The following OPN4 variants were observed in gnomAD, a reference collection of about 807,000 sequenced individuals.
The protein encoded by OPN4 is melanopsin.
In OPN4, 43 loss-of-function variants were observed where a neutral mutation model predicts 49.5. The observed-to-expected ratio is 0.87, with a 90% CI of 0.68 to 1.12. The LOEUF (loss-of-function observed/expected upper bound fraction) is 1.12, where lower values mean the gene tolerates loss of function less well. OPN4 is among the 50% of genes most tolerant of loss of function. OPN4 has a pLI of 0.00. For synonymous variants in OPN4, 263 were observed against 258.0 expected, an observed-to-expected ratio of 1.02 and a Z score of -0.19; for missense variants, 657 against 643.9, an observed-to-expected ratio of 1.02 and a Z score of -0.22.
chr10:86,662,985 A>AG (rs1844051020), intron 8 of OPN4, among the ~76,000 whole-genome samples: 2 of 152,216 alleles, frequency 1.3e-5, no homozygotes, highest in Admixed American at 1.3e-4. Context: ...CTCCTCTGAA[A>AG]GGGAAAAGAG....
chr10:86,665,201 TAGG>T (rs1378542098), intron 9 of OPN4, among the ~76,000 whole-genome samples: 1 of 151,246 alleles, frequency 6.6e-6, no homozygotes, highest in Admixed American at 6.6e-5. Context: ...GTGGGGGACA[TAGG>T]AGAAGGGAAG....
At chr10:86,665,289 G>A (rs1309187462) in intron 9 of OPN4, among the ~76,000 whole-genome samples, 1 of 152,074 alleles carries the variant, frequency 6.6e-6, no homozygotes, top group Non-Finnish European at 1.5e-5. Context: ...CCTGACCTGG[G>A]GACAGGAAGC....
At chr10:86,665,640 G>A (rs528044634) in intron 9 of OPN4, 73 bp from the exon 10 acceptor site, 17 of 1,284,812 alleles carry the variant, frequency 1.3e-5, no homozygotes, top group Non-Finnish European at 1.8e-5. Flanking sequence ...GACCCAGTGT[G>A]TGGAGGGTCA....
Position 86,665,992 on chromosome 10 carries a change from G to A in OPN4, c.*241G>A, listed in dbSNP as rs890510494. ...CAGCCGCACCCGAGGCTCAGCCTGA[G>A]GGGTATGTGCCCAGGCCCTCCCACT... is the stretch of plus-strand genomic sequence containing the variant. On this transcript the variant is annotated 3_prime_UTR_variant, in exon 10 of 10. Coordinates refer to ENST00000241891, the MANE Select transcript of OPN4 (RefSeq NM_033282.4). The A allele has an allele frequency of 8.9e-6, 5 of 564,926 alleles. No homozygotes were observed. Among genetic ancestry groups the A allele is most frequent in the African/African-American group, 1.9e-5 (1 of 52,960 alleles). 35.0% of individuals were successfully genotyped at this position (564,926 alleles called of 1,614,324 possible).
intron 8 of OPN4, among the ~76,000 whole-genome samples, chr10:86,663,347 C>A (rs140882267): frequency 3.9e-5 from 6 of 152,300 alleles, no homozygotes; most frequent in African/African-American, 7.2e-5. Flanking sequence ...AAGGAGAAAT[C>A]TAATCTGTTA....
Position 86,654,943 on chromosome 10 carries a change from C to A in OPN4, c.144+16C>A, listed in dbSNP as rs374807121. Reference sequence around the variant, plus strand: ...CAGTCCCACAGTAAGCCTGGGCGAGCATGTGCATGCACAGAGCCTTCCCTG... The same window carrying A: ...CAGTCCCACAGTAAGCCTGGGCGAGAATGTGCATGCACAGAGCCTTCCCTG... On this transcript the variant is annotated intron_variant, in intron 1 of 9. Transcript: ENST00000241891. The A allele has an allele frequency of 1.1e-5, 17 of 1,612,228 alleles. No individual in the cohort carries two copies. In the African/African-American group the frequency reaches 1.7e-4, roughly 16 times the overall value.
At chr10:86,660,184 A>G (rs1843970931) in intron 6 of OPN4, 125 bp downstream of exon 6, 3 of 1,076,094 alleles carry the variant, frequency 2.8e-6, no homozygotes. Flanking sequence ...GACCAGCTTC[A>G]CAGCTTATTC....
At position 86,658,824 on chromosome 10, in the gene OPN4, C is replaced by T. The variant is rs917325002; in HGVS notation, c.628+137C>T. 3.7e-6 allele frequency: 3 copies of T among 800,418 alleles called. No individual in the cohort carries two copies. In the African/African-American group the frequency reaches 5.1e-5, roughly 14 times the overall value. The allele number at this position is 800,418 out of a possible 1,614,324, so 49.6% of individuals were successfully genotyped here. On this transcript the variant is annotated intron_variant, in intron 4 of 9. Transcript: ENST00000241891. ...CTACCTGAGCCTCAGGTGAGATGGA[C>T]ATTCAGGGGACATGACTGGCAGCAA...
At chr10:86,664,091 T>C in intron 9 of OPN4, 1 of 352,998 alleles carries the variant, frequency 2.8e-6, no homozygotes, top group Non-Finnish European at 5.2e-6. Context: ...ATGATAAGAG[T>C]ACATGTGTGT....
At chr10:86,657,116 C>G in intron 2 of OPN4, 1 of 767,180 alleles carries the variant, frequency 1.3e-6, no homozygotes, top group Non-Finnish European at 2.4e-6. Flanking sequence ...ACACAGCCCC[C>G]TGGCTCTCCC....
intron 2 of OPN4, among the ~76,000 whole-genome samples, chr10:86,656,944 CAAAA>C (rs10718951): frequency 1.4e-5 from 1 of 73,420 alleles, no homozygotes; most frequent in African/African-American, 5.9e-5. Flanking sequence ...GACTCCATCT[CAAAA>C]AAAAAAAAAA....
intron 2 of OPN4, 119 bp from the exon 3 acceptor site, chr10:86,657,913 T>A: frequency 9.4e-7 from 1 of 1,067,570 alleles, no homozygotes; most frequent in East Asian, 2.4e-5. Flanking sequence ...TGCCCATGTG[T>A]GTGTGCATGT....
rs3740332 is a variant in OPN4 at position 86,658,778 on chromosome 10, C to G, written c.628+91C>G. 25 of 1,411,000 alleles carry G rather than the reference C, an allele frequency of 1.8e-5. 1 individual carries two copies. Among genetic ancestry groups the G allele is most frequent in the Middle Eastern group, 2.4e-4 (1 of 4,228 alleles). 87.4% of individuals were successfully genotyped at this position (1,411,000 alleles called of 1,614,324 possible). A position where few individuals can be genotyped will look rare whatever the true frequency, so the allele number is the denominator to read the frequency against. On this transcript the variant is annotated intron_variant, in intron 4 of 9. Coordinates refer to ENST00000241891, the MANE Select transcript of OPN4 (RefSeq NM_033282.4). ...AGGTGGACTTGGGTCAGCCAGCTGGCGGGAGCAGGGTGCCCAGGAGCTACC... is the reference window on the plus strand; with the variant it reads ...AGGTGGACTTGGGTCAGCCAGCTGGGGGGAGCAGGGTGCCCAGGAGCTACC...
Position 86,658,484 on chromosome 10 carries a change from G to A in OPN4, c.425G>A (p.Gly142Asp), listed in dbSNP as rs1843923608. 1.2e-6 allele frequency: 2 copies of A among 1,613,936 alleles called. No homozygotes were observed. The highest frequency in any genetic ancestry group is 1.3e-5 in the African/African-American group (1 of 74,928). ...LYKQWLFGET[G>D]CEFYAFCGAL... is the part of the protein sequence containing the mutation. ...CTCAGAGCAGGGGCTGTGCCCACAG[G>A]CTGCGAGTTCTATGCCTTCTGTGGA... Residue 142 changes from glycine (G) to aspartate (D), a missense_variant and splice_region_variant, in exon 4 of 10, where the codon GGC becomes GAC. Gly to Asp is a moderately conservative substitution (Grantham distance 94, BLOSUM62 -1). Coordinates refer to ENST00000241891, the MANE Select transcript of OPN4 (RefSeq NM_033282.4).
At chr10:86,658,440 C>A (rs1327437885) in intron 3 of OPN4, 44 bp from the exon 4 acceptor site, 4 of 1,601,220 alleles carry the variant, frequency 2.5e-6, no homozygotes, top group Non-Finnish European at 3.4e-6. Context: ...ACCCTGTCCC[C>A]AGACCCTCCT....
intron 8 of OPN4, 131 bp downstream of exon 8, chr10:86,662,563 C>A: frequency 1.2e-6 from 1 of 864,936 alleles, no homozygotes; most frequent in Non-Finnish European, 1.7e-6. Flanking sequence ...CGCTGGCACC[C>A]TGGCAGGAAG....
Position 86,659,278 on chromosome 10 carries a change from C to A in OPN4, c.629-19C>A. 1 of 1,602,732 alleles carries A rather than the reference C, an allele frequency of 6.2e-7. No homozygotes were observed. Among genetic ancestry groups the A allele is most frequent in the Non-Finnish European group, 8.5e-7 (1 of 1,175,760 alleles). On this transcript the variant is annotated intron_variant, in intron 4 of 9. Coordinates refer to ENST00000241891, the MANE Select transcript of OPN4 (RefSeq NM_033282.4). ...GGTCAGTGCCGCCCCAAAGGCTGAG[C>A]ACCTGCCCTGGCTCCCAGGCGCCTA... is the stretch of plus-strand genomic sequence containing the variant.
At chr10:86,659,803 G>A (rs1843959469) in intron 5 of OPN4, 92 bp from the exon 6 acceptor site, 1 of 1,353,670 alleles carries the variant, frequency 7.4e-7, no homozygotes, top group African/African-American at 1.4e-5. Context: ...GCCCTGCAAG[G>A]ATAGTCCAGA....
rs530871112 is a variant in OPN4, at chr10:86,655,017, G to A, written c.144+90G>A. 3.1e-5 allele frequency: 42 copies of A among 1,366,600 alleles called. No homozygotes were observed. In the East Asian group the frequency reaches 8.0e-4, roughly 26 times the overall value. The allele number at this position is 1,366,600 out of a possible 1,614,324, so 84.7% of individuals were successfully genotyped here. The stretch of plus-strand genomic sequence containing the variant: ...CCACACACAGGGGCTTTGACAGGGA[G>A]ATAGAAAAGGTCTGAACTCTGCTGT... On this transcript the variant is annotated intron_variant, in intron 1 of 9. Transcript: ENST00000241891.
Sources: gnomAD v4.1 joint callset for allele counts (sites outside exome capture counted in the v4.1 genomes callset) on GRCh38, gnomAD v4.1.1 for gene constraint, MANE v1.5 for transcripts, NCBI Gene and HGNC (gene_info 2026-07-23, HGNC 2026-07-21) for gene names.